The following ESYT2 variants were observed in gnomAD, a reference collection of about 807,000 sequenced individuals.
ESYT2 encodes the protein extended synaptotagmin-2.
A neutral mutation model predicts 107.2 loss-of-function variants in ESYT2; 54 were observed. The ratio of observed to expected loss-of-function variants is 0.50; its 90% CI spans 0.40 to 0.63. The LOEUF (loss-of-function observed/expected upper bound fraction) is 0.63, where lower values mean the gene tolerates loss of function less well. ESYT2 is among the 30% of genes least tolerant of loss of function. The pLI is 0.00. For missense variants in ESYT2, 1,020 were observed against 1,094.5 expected (o/e 0.93, Z 0.96); for synonymous variants, 491 against 434.1 (o/e 1.13, Z -1.63).
chr7:158,780,975 T>C (rs1446077288), intron 6 of ESYT2, among the ~76,000 whole-genome samples: 1 of 152,058 alleles, frequency 6.6e-6, no homozygotes, highest in African/African-American at 2.4e-5. Context: ...GCTGTGTAAA[T>C]CTATGTGAGA....
intron 3 of ESYT2, among the ~76,000 whole-genome samples, chr7:158,794,846 C>A (rs937570005): frequency 3.3e-5 from 5 of 152,144 alleles, no homozygotes; most frequent in Admixed American, 2.6e-4. Flanking sequence ...GTATTAAAAT[C>A]ACACCTCTCA....
chr7:158,744,118 GA>G (rs1327337230), intron 16 of ESYT2: 1 of 154,618 alleles, frequency 6.5e-6, no homozygotes, highest in Admixed American at 6.5e-5. Flanking sequence ...TAGTCTGTAA[GA>G]AAGATATTTT....
intron 16 of ESYT2, among the ~76,000 whole-genome samples, chr7:158,747,272 A>G (rs1000673572): frequency 2.0e-5 from 3 of 151,722 alleles, no homozygotes; most frequent in Non-Finnish European, 4.4e-5. Context: ...ACTTGAACCC[A>G]GGAGGTGGAG....
At chr7:158,810,785 G>A (rs1563036160) in intron 1 of ESYT2, among the ~76,000 whole-genome samples, 1 of 152,116 alleles carries the variant, frequency 6.6e-6, no homozygotes, top group Non-Finnish European at 1.5e-5. Flanking sequence ...GCGAATTACT[G>A]GGTGGCTAGG....
intron 6 of ESYT2, among the ~76,000 whole-genome samples, chr7:158,774,958 TA>T (rs370997766): frequency 5.6e-4 from 85 of 152,260 alleles, no homozygotes; most frequent in African/African-American, 2.0e-3. Context: ...CCATTGTAGT[TA>T]AAAGAACAGG....
At chr7:158,746,262 C>G (rs1837398692) in intron 16 of ESYT2, among the ~76,000 whole-genome samples, 1 of 141,514 alleles carries the variant, frequency 7.1e-6, no homozygotes, top group Admixed American at 7.1e-5. Flanking sequence ...ACACGCCCCT[C>G]CAACACACAA....
In ESYT2 at chr7:158,737,085, C is replaced by T. The variant is rs755359602; in HGVS notation, c.2362G>A (p.Val788Met). 17 of 1,613,778 alleles carry T rather than the reference C, an allele frequency of 1.1e-5. No individual in the cohort carries two copies. The highest frequency in any genetic ancestry group is 1.4e-5 in the Non-Finnish European group (16 of 1,179,826). The change falls in exon 20 of 23, where the codon GTG becomes ATG. Residue 788 changes from valine (V) to methionine (M), a missense_variant. Coordinates refer to ENST00000275418, the MANE Select transcript of ESYT2 (RefSeq NM_001367773.1). ...ACTGGATTTAATGTTTTCTTTGACA[C>T]GTGTGTTTTCCTCCTTCCTGACCGC... ...KRRSGRRKTH[V>M]SKKTLNPVFD...
chr7:158,746,494 A>G (rs542007703), intron 16 of ESYT2, among the ~76,000 whole-genome samples: 49 of 151,494 alleles, frequency 3.2e-4, no homozygotes, highest in African/African-American at 1.0e-3. Context: ...TGAGTGACAA[A>G]GTGAGACCCT....
intron 13 of ESYT2, among the ~76,000 whole-genome samples, chr7:158,757,593 G>A (rs1045596770): frequency 1.3e-5 from 2 of 151,642 alleles, no homozygotes; most frequent in East Asian, 1.9e-4. Flanking sequence ...CTCGCGGGAC[G>A]CCCCTTAATC....
rs1173014179 is a variant in ESYT2 at position 158,828,937 on chromosome 7, G to A, written c.330+152C>T. 14 of 1,329,824 alleles carry A rather than the reference G, an allele frequency of 1.1e-5. No individual in the cohort carries two copies. In the East Asian group the frequency reaches 1.2e-4, roughly 11 times the overall value. The allele number at this position is 1,329,824 out of a possible 1,614,324, so 82.4% of individuals were successfully genotyped here. ...GAAGGGAAGCGCCTGCCTGGACCGG[G>A]GTGGGTGGGGGACTACGAAGGCGGG... On this transcript the variant is annotated intron_variant, in intron 1 of 22. Coordinates refer to ENST00000275418, the MANE Select transcript of ESYT2 (RefSeq NM_001367773.1).
At chr7:158,806,133 T>TGGCGCACAATGTGTAGGAGGC (rs1584873959) in intron 1 of ESYT2, among the ~76,000 whole-genome samples, 7 of 36,388 alleles carry the variant, frequency 1.9e-4, no homozygotes, top group South Asian at 5.0e-4. Context: ...GCGTGGGAGG[T>TGGCGCACAATGTGTAGGAGGC]GCCGGGGCAC....
intron 8 of ESYT2, among the ~76,000 whole-genome samples, chr7:158,765,439 T>A (rs951113969): frequency 2.0e-5 from 3 of 152,194 alleles, no homozygotes; most frequent in Admixed American, 6.5e-5. Flanking sequence ...TCATAGACTT[T>A]AAACATAGTC....
chr7:158,792,101 T>C (rs578027030), intron 4 of ESYT2, among the ~76,000 whole-genome samples: 1 of 152,214 alleles, frequency 6.6e-6, no homozygotes, highest in East Asian at 1.9e-4. Context: ...CAATTGATTT[T>C]AGTGTGTTCA....
intron 1 of ESYT2, among the ~76,000 whole-genome samples, chr7:158,823,675 C>T (rs892094464): frequency 6.6e-6 from 1 of 152,024 alleles, no homozygotes; most frequent in African/African-American, 2.4e-5. Context: ...TTCACATACT[C>T]GTCAATGCAC....
chr7:158,776,529 C>T (rs1838570685), intron 6 of ESYT2, among the ~76,000 whole-genome samples: 1 of 152,172 alleles, frequency 6.6e-6, no homozygotes, highest in East Asian at 1.9e-4. Context: ...ATAAACCAAC[C>T]TCTTCAAACT....
intron 6 of ESYT2, among the ~76,000 whole-genome samples, chr7:158,784,655 G>A (rs896712004): frequency 2.0e-5 from 3 of 152,298 alleles, no homozygotes; most frequent in South Asian, 2.1e-4. Flanking sequence ...CCCTGTACAC[G>A]TCATGAGACA....
At chr7:158,827,056 G>A (rs192783361) in intron 1 of ESYT2, among the ~76,000 whole-genome samples, 1 of 151,402 alleles carries the variant, frequency 6.6e-6, no homozygotes, top group Non-Finnish European at 1.5e-5. Flanking sequence ...CCAGCTACTC[G>A]GGAGGCTGAG....
intron 10 of ESYT2, among the ~76,000 whole-genome samples, chr7:158,761,994 G>A (rs968389158): frequency 1.3e-5 from 2 of 151,926 alleles, no homozygotes; most frequent in South Asian, 2.1e-4. Context: ...TTCCTCACTC[G>A]CACAGTGAAC....
At chr7:158,774,028 T>G (rs534660751) in intron 6 of ESYT2, among the ~76,000 whole-genome samples, 47 of 152,338 alleles carry the variant, frequency 3.1e-4, no homozygotes, top group African/African-American at 1.1e-3. Flanking sequence ...TTAGAATAAT[T>G]CCCAGTTAGC....
Sources: gnomAD v4.1 joint callset for allele counts (sites outside exome capture counted in the v4.1 genomes callset) on GRCh38, gnomAD v4.1.1 for gene constraint, MANE v1.5 for transcripts, NCBI Gene and HGNC (gene_info 2026-07-23, HGNC 2026-07-21) for gene names.